The following TENM3 variants were observed in gnomAD, a reference collection of about 807,000 sequenced individuals.
The protein encoded by TENM3 is teneurin-3.
TENM3 carries 63 observed loss-of-function variants against 255.1 expected under a neutral mutation model. The observed-to-expected ratio is 0.25, with a 90% CI of 0.20 to 0.30. The LOEUF (loss-of-function observed/expected upper bound fraction) is 0.30. Ranked by LOEUF, TENM3 falls within the 10% of genes least tolerant of loss-of-function variation. TENM3 has a pLI of 1.00. For missense variants in TENM3, 2,929 were observed against 3,461.1 expected (o/e 0.85, Z 3.86); for synonymous variants, 1,306 against 1,322.3 (o/e 0.99, Z 0.27).
At chr4:182,640,662 G>A (rs1478644287) in intron 5 of TENM3, among the ~76,000 whole-genome samples, 1 of 152,146 alleles carries the variant, frequency 6.6e-6, no homozygotes, top group Non-Finnish European at 1.5e-5. Flanking sequence ...TTATTTTTAG[G>A]AAAGGAGACT....
chr4:181,447,698 C>A, the TENM3 span, among the ~76,000 whole-genome samples: 2 of 152,154 alleles, frequency 1.3e-5, no homozygotes. Flanking sequence ...AAGGCCTAGG[C>A]ACAACCCGCT....
Position 182,409,646 on chromosome 4 carries a change from G to A in TENM3, c.511+62717G>A, listed in dbSNP as rs548453361. On this transcript the variant is annotated intron_variant, in intron 3 of 27. Coordinates refer to ENST00000511685, the MANE Select transcript of TENM3 (RefSeq NM_001080477.4). ...ACTGACATGGGTGATTTGTCAAATA[G>A]ATATTAGCTAGAGGAGGGCTTGTTA... Among the ~76,000 whole-genome samples the A allele has an allele frequency of 2.0e-3, 312 of 152,294 alleles. 2 individuals are homozygous for A. The highest frequency in any genetic ancestry group is 3.8e-3 in the Non-Finnish European group (258 of 68,022).
the TENM3 span, among the ~76,000 whole-genome samples, chr4:181,840,206 T>C: frequency 5.3e-5 from 8 of 152,128 alleles, no homozygotes; most frequent in Non-Finnish European, 1.2e-4. Flanking sequence ...TTTTTCATTT[T>C]CTTTATTACA....
intron 1 of TENM3, among the ~76,000 whole-genome samples, chr4:182,166,201 G>A (rs1166651049): frequency 6.6e-6 from 1 of 152,194 alleles, no homozygotes; most frequent in East Asian, 1.9e-4. Context: ...CAGAGACATC[G>A]TCAAAGAGCA....
Position 182,364,620 on chromosome 4 carries a change from C to T in TENM3, c.511+17691C>T, listed in dbSNP as rs578190196. Reference sequence around the variant, plus strand: ...TTGTTTAGTAGAGACGGGGTTTCACCGTGTCAGCCAGGATGGTCTCAACCT... The same window carrying T: ...TTGTTTAGTAGAGACGGGGTTTCACTGTGTCAGCCAGGATGGTCTCAACCT... On this transcript the variant is annotated intron_variant, in intron 3 of 27. Transcript: ENST00000511685. 7.9e-4 allele frequency among the ~76,000 whole-genome samples: 121 copies of T among 152,220 alleles called. 1 individual carries two copies. The highest frequency in any genetic ancestry group is 2.8e-3 in the African/African-American group (118 of 41,548).
At position 182,307,332 on chromosome 4, in the gene TENM3, T is replaced by C. The variant is rs145019638; in HGVS notation, c.-75-16614T>C. Among the ~76,000 whole-genome samples, 23 of 152,278 alleles carry C rather than the reference T, an allele frequency of 1.5e-4. No homozygotes were observed. The East Asian group carries it at 2.5e-3, about 17-fold the overall frequency. ...AAATAATCATCGTAATCTGTGCTAA[T>C]TGGCCCCCTACTGGTAGTTAGAAAG... is the stretch of plus-strand genomic sequence containing the variant. On this transcript the variant is annotated intron_variant, in intron 1 of 27. Transcript: ENST00000511685.
the TENM3 span, among the ~76,000 whole-genome samples, chr4:181,738,568 T>C: frequency 6.6e-6 from 1 of 152,178 alleles, no homozygotes; most frequent in Non-Finnish European, 1.5e-5. Context: ...GGTAATTTCT[T>C]CACTATTTCT....
rs571685090 is a variant in TENM3 at position 182,440,478 on chromosome 4, G to A, written c.511+93549G>A. 4.6e-5 allele frequency among the ~76,000 whole-genome samples: 7 copies of A among 152,106 alleles called. No homozygotes were observed. In the East Asian group the frequency reaches 7.8e-4, roughly 17 times the overall value. On this transcript the variant is annotated intron_variant, in intron 3 of 27. Transcript: ENST00000511685. ...ACTTCACTCCATTTCGTTTCTCTAC[G>A]CCATTTGTCTTATCATAGAGCTTTC...
the TENM3 span, among the ~76,000 whole-genome samples, chr4:181,491,980 G>A: frequency 6.6e-6 from 1 of 152,074 alleles, no homozygotes; most frequent in African/African-American, 2.4e-5. Flanking sequence ...ATGGCGTTTT[G>A]GAAGCAAATC....
At chr4:182,303,320 T>C (rs960206557) in intron 1 of TENM3, among the ~76,000 whole-genome samples, 1 of 152,250 alleles carries the variant, frequency 6.6e-6, no homozygotes, top group African/African-American at 2.4e-5. Flanking sequence ...CGTTGGTTAC[T>C]GTGCTGGGAC....
intron 13 of TENM3, among the ~76,000 whole-genome samples, chr4:182,718,578 A>G (rs534226473): frequency 6.6e-6 from 1 of 152,246 alleles, no homozygotes; most frequent in Non-Finnish European, 1.5e-5. Flanking sequence ...ATTCAGCTTT[A>G]GTACAGTCAG....
At chr4:181,464,634 C>A in the TENM3 span, among the ~76,000 whole-genome samples, 271 of 151,772 alleles carry the variant, frequency 1.8e-3, 3 homozygotes, top group South Asian at 0.026. Context: ...TTCTTAGAAG[C>A]ATATTTTTTT....
At chr4:181,955,805 A>C in the TENM3 span, among the ~76,000 whole-genome samples, 1 of 152,106 alleles carries the variant, frequency 6.6e-6, no homozygotes, top group Non-Finnish European at 1.5e-5. Context: ...TTAACTATTT[A>C]ATTAATTTTC....
At chr4:181,967,125 C>A in the TENM3 span, among the ~76,000 whole-genome samples, 1,591 of 152,208 alleles carry the variant, frequency 0.01, 27 homozygotes, top group African/African-American at 0.036. Flanking sequence ...TCTACTTCAT[C>A]TTTTTCAGAA....
the TENM3 span, among the ~76,000 whole-genome samples, chr4:181,814,974 A>G: frequency 6.6e-6 from 1 of 152,204 alleles, no homozygotes; most frequent in African/African-American, 2.4e-5. Context: ...AGTAGAAAGT[A>G]TAATTAAATC....
At chr4:182,447,614 A>T (rs1773036251) in intron 3 of TENM3, among the ~76,000 whole-genome samples, 1 of 152,186 alleles carries the variant, frequency 6.6e-6, no homozygotes. Context: ...GAGAACACTG[A>T]TCCTTCCTTT....
intron 1 of TENM3, among the ~76,000 whole-genome samples, chr4:182,307,729 T>C (rs188866949): frequency 6.6e-6 from 1 of 152,352 alleles, no homozygotes; most frequent in Non-Finnish European, 1.5e-5. Flanking sequence ...TGAGGAAACG[T>C]AGACCAAATT....
At chr4:182,422,350 G>A (rs1044252796) in intron 3 of TENM3, among the ~76,000 whole-genome samples, 11 of 152,142 alleles carry the variant, frequency 7.2e-5, no homozygotes, top group African/African-American at 2.7e-4. Flanking sequence ...GTGGTGACAT[G>A]GAAGGCGTAA....
the TENM3 span, among the ~76,000 whole-genome samples, chr4:181,708,840 C>G: frequency 6.6e-6 from 1 of 152,140 alleles, no homozygotes; most frequent in Non-Finnish European, 1.5e-5. Flanking sequence ...TGGCTGATGC[C>G]ACGTTTGCAG....
Sources: allele counts gnomAD v4.1 joint callset (sites outside exome capture counted in the v4.1 genomes callset), GRCh38; gene constraint gnomAD v4.1.1; transcripts MANE v1.5; gene names NCBI Gene and HGNC (gene_info 2026-07-23, HGNC 2026-07-21).